NFKB1: variants seen among roughly 807,000 people sequenced by gnomAD.
The protein encoded by NFKB1 is nuclear factor kappa B subunit 1, also known as nuclear factor NF-kappa-B p105 subunit.
Under a neutral mutation model 105.1 loss-of-function variants are expected in NFKB1, and 9 were observed. That is an observed-to-expected ratio of 0.09 (90% CI 0.05 to 0.15). NFKB1 has a LOEUF of 0.15. Ranked by LOEUF, NFKB1 falls within the 10% of genes least tolerant of loss-of-function variation. The pLI is 1.00. For missense variants in NFKB1, 830 were observed against 1,203.7 expected, an observed-to-expected ratio of 0.69 and a Z score of 4.59; for synonymous variants, 440 against 442.2, an observed-to-expected ratio of 1.00 and a Z score of 0.06.
chr4:102,516,486 C>T (rs865964576), intron 1 of NFKB1, among the ~76,000 whole-genome samples: 1 of 151,712 alleles, frequency 6.6e-6, no homozygotes, highest in African/African-American at 2.4e-5. Flanking sequence ...TTTTTATTGA[C>T]CTTTCTTCTA....
At chr4:102,551,514 T>G (rs1366591849) in intron 5 of NFKB1, among the ~76,000 whole-genome samples, 1 of 152,146 alleles carries the variant, frequency 6.6e-6, no homozygotes, top group Non-Finnish European at 1.5e-5. Context: ...CTTCTCAAAC[T>G]AGAAACTAGA....
chr4:102,520,385 C>T (rs968715232), intron 1 of NFKB1, among the ~76,000 whole-genome samples: 12 of 152,092 alleles, frequency 7.9e-5, no homozygotes, highest in East Asian at 1.9e-4. Context: ...GTATTATACT[C>T]GGTGTTAATA....
At chr4:102,589,039 C>G (rs1465920485) in intron 11 of NFKB1, among the ~76,000 whole-genome samples, 1 of 152,146 alleles carries the variant, frequency 6.6e-6, no homozygotes, top group Non-Finnish European at 1.5e-5. Context: ...GAGATTCAAA[C>G]AGCAGGTTCT....
At chr4:102,586,387 T>C (rs960160317) in intron 11 of NFKB1, among the ~76,000 whole-genome samples, 3 of 152,074 alleles carry the variant, frequency 2.0e-5, no homozygotes, top group Non-Finnish European at 2.9e-5. Context: ...GAGTAAAACA[T>C]GTTATATTTT....
At chr4:102,532,538 G>T (rs1578729644) in intron 3 of NFKB1, among the ~76,000 whole-genome samples, 1 of 152,086 alleles carries the variant, frequency 6.6e-6, no homozygotes, top group Non-Finnish European at 1.5e-5. Flanking sequence ...CTGAGGCAGA[G>T]AATTGCTTGA....
At chr4:102,564,116 G>A (rs967337664) in intron 5 of NFKB1, among the ~76,000 whole-genome samples, 6 of 151,896 alleles carry the variant, frequency 4.0e-5, no homozygotes, top group Non-Finnish European at 5.9e-5. Context: ...CACCACGCCC[G>A]GCCCGAAAGC....
At chr4:102,596,075 A>G in intron 13 of NFKB1, 63 bp from the exon 14 acceptor site, 15 of 1,147,616 alleles carry the variant, frequency 1.3e-5, no homozygotes, top group Non-Finnish European at 1.8e-5. Context: ...CTACATTGGA[A>G]TAGCGAATTA....
intron 22 of NFKB1, 55 bp from the exon 23 acceptor site, chr4:102,613,370 C>G (rs1728616868): frequency 6.3e-7 from 1 of 1,580,778 alleles, no homozygotes; most frequent in Non-Finnish European, 8.6e-7. Flanking sequence ...GTGCTTACAG[C>G]CTGCACTGGG....
chr4:102,610,583 C>T lies in NFKB1; in HGVS notation c.2236C>T (p.Pro746Ser). 1 of 1,613,848 alleles carries T rather than the reference C, an allele frequency of 6.2e-7. No homozygotes were observed. Among genetic ancestry groups the T allele is most frequent in the Non-Finnish European group, 8.5e-7 (1 of 1,179,818 alleles). Residue 746 changes from proline (P) to serine (S), a missense_variant, in exon 20 of 24, where the codon CCC becomes TCC. Transcript: ENST00000226574. ...AALLKAAGAD[P>S]LVENFEPLYD... ...GTAATCTAACTTCGCAGGAGCAGATCCCCTGGTGGAGAACTTTGAGCCTCT... is the reference window on the plus strand; with the variant it reads ...GTAATCTAACTTCGCAGGAGCAGATTCCCTGGTGGAGAACTTTGAGCCTCT...
rs1171361100 is a variant in NFKB1, at chr4:102,586,844, A to C, written c.1066+2024A>C. On this transcript the variant is annotated intron_variant, in intron 11 of 23. Coordinates refer to ENST00000226574, the MANE Select transcript of NFKB1 (RefSeq NM_003998.4). Reference sequence around the variant, plus strand: ...CAAAGGTGCAGCAGCAACAAGCCACATGGGTGGGTGTTGTCTCCTGTGAGA... The same window carrying C: ...CAAAGGTGCAGCAGCAACAAGCCACCTGGGTGGGTGTTGTCTCCTGTGAGA... Among the ~76,000 whole-genome samples, 13 of 152,208 alleles carry C rather than the reference A, an allele frequency of 8.5e-5. No homozygotes were observed. The East Asian group carries it at 2.5e-3, about 29-fold the overall frequency.
At chr4:102,594,452 A>G (rs1313957996) in intron 12 of NFKB1, among the ~76,000 whole-genome samples, 1 of 152,204 alleles carries the variant, frequency 6.6e-6, no homozygotes, top group African/African-American at 2.4e-5. Flanking sequence ...TTATGCTTCC[A>G]CCAAAAATGC....
intron 2 of NFKB1, among the ~76,000 whole-genome samples, chr4:102,526,064 CTG>C (rs922650290): frequency 6.6e-6 from 1 of 152,182 alleles, no homozygotes; most frequent in African/African-American, 2.4e-5. Context: ...CGTGTCTCTA[CTG>C]TGTCTCTAAA....
intron 3 of NFKB1, among the ~76,000 whole-genome samples, chr4:102,531,118 A>G (rs73837260): frequency 0.025 from 3,859 of 152,312 alleles, 94 homozygotes; most frequent in African/African-American, 0.067. Context: ...CACAGGAAAT[A>G]CACACATTTT....
intron 19 of NFKB1, 46 bp downstream of exon 19, chr4:102,607,797 A>G (rs781489851): frequency 1.3e-6 from 2 of 1,546,906 alleles, no homozygotes; most frequent in Non-Finnish European, 1.8e-6. Flanking sequence ...GTTACCAGGA[A>G]TGCAAACCCA....
intron 22 of NFKB1, among the ~76,000 whole-genome samples, chr4:102,612,958 T>C (rs1455067710): frequency 1.3e-5 from 2 of 152,106 alleles, no homozygotes; most frequent in Non-Finnish European, 2.9e-5. Context: ...TGGCAGGGCA[T>C]TGAGTCATGT....
chr4:102,579,493 A>G (rs1366909905), intron 8 of NFKB1, among the ~76,000 whole-genome samples: 1 of 152,008 alleles, frequency 6.6e-6, no homozygotes, highest in Non-Finnish European at 1.5e-5. Flanking sequence ...TAAATGAATG[A>G]GTAGCATAGA....
Position 102,512,040 on chromosome 4 carries a change from G to T in NFKB1, c.-8+10252G>T, listed in dbSNP as rs147092727. ...TGCTAATAATGAGCTTCACACCAGC[G>T]GGAACTCTGCTGTGTCAGTTGGGCT... On this transcript the variant is annotated intron_variant, in intron 1 of 23. Coordinates refer to ENST00000226574, the MANE Select transcript of NFKB1 (RefSeq NM_003998.4). 3.9e-3 allele frequency among the ~76,000 whole-genome samples: 592 copies of T among 152,236 alleles called. 5 individuals carry two copies. Among genetic ancestry groups the T allele is most frequent in the African/African-American group, 0.014 (566 of 41,518 alleles).
chr4:102,521,060 A>G (rs1273281935), intron 1 of NFKB1, among the ~76,000 whole-genome samples: 1 of 152,184 alleles, frequency 6.6e-6, no homozygotes, highest in Admixed American at 6.6e-5. Context: ...ACAGTTGCAT[A>G]TTTAACTTAT....
intron 1 of NFKB1, among the ~76,000 whole-genome samples, chr4:102,511,648 T>G (rs1358741741): frequency 6.6e-6 from 1 of 151,688 alleles, no homozygotes; most frequent in Non-Finnish European, 1.5e-5. Flanking sequence ...TGCAGTCCAG[T>G]CTAGGCAACA....
Sources: gnomAD v4.1 joint callset for allele counts (sites outside exome capture counted in the v4.1 genomes callset) on GRCh38, gnomAD v4.1.1 for gene constraint, MANE v1.5 for transcripts, NCBI Gene and HGNC (gene_info 2026-07-23, HGNC 2026-07-21) for gene names.